The following MAGI2 variants were observed in gnomAD, a reference collection of about 807,000 sequenced individuals.
The protein encoded by MAGI2 is membrane-associated guanylate kinase, WW and PDZ domain-containing protein 2.
In MAGI2, 35 loss-of-function variants were observed where a neutral mutation model predicts 133.3. The ratio of observed to expected loss-of-function variants is 0.26; its 90% CI spans 0.20 to 0.35. The LOEUF (loss-of-function observed/expected upper bound fraction) is 0.35. MAGI2 is among the 10% of genes least tolerant of loss of function. MAGI2 has a pLI of 1.00. For missense variants in MAGI2, 1,636 were observed against 1,863.4 expected (o/e 0.88, Z 2.25); for synonymous variants, 729 against 710.6 (o/e 1.03, Z -0.41).
chr7:78,652,367 CT>C (rs1304311346), intron 2 of MAGI2, among the ~76,000 whole-genome samples: 1 of 152,150 alleles, frequency 6.6e-6, no homozygotes, highest in Non-Finnish European at 1.5e-5. Flanking sequence ...CGCTACCTGA[CT>C]TCAAACTACA....
intron 2 of MAGI2, among the ~76,000 whole-genome samples, chr7:78,847,993 C>T (rs1792774018): frequency 6.6e-6 from 1 of 151,844 alleles, no homozygotes; most frequent in African/African-American, 2.4e-5. Context: ...ACTCCAGAAT[C>T]TCAAATTATC....
At chr7:78,268,943 A>G (rs1321786620) in intron 9 of MAGI2, among the ~76,000 whole-genome samples, 2 of 151,848 alleles carry the variant, frequency 1.3e-5, no homozygotes, top group South Asian at 4.2e-4. Context: ...CCAGCCCCCC[A>G]CCCACTGACA....
intron 9 of MAGI2, among the ~76,000 whole-genome samples, chr7:78,308,347 C>T (rs1584812720): frequency 6.6e-6 from 1 of 152,154 alleles, no homozygotes; most frequent in African/African-American, 2.4e-5. Flanking sequence ...GACCAATGTA[C>T]AACAAGACTG....
At chr7:79,033,224 T>C (rs994390722) in intron 1 of MAGI2, among the ~76,000 whole-genome samples, 1 of 152,204 alleles carries the variant, frequency 6.6e-6, no homozygotes, top group Non-Finnish European at 1.5e-5. Flanking sequence ...CAGAAGGTGA[T>C]GGACCATAGG....
At chr7:78,496,215 C>T (rs1794072477) in intron 5 of MAGI2, among the ~76,000 whole-genome samples, 1 of 152,048 alleles carries the variant, frequency 6.6e-6, no homozygotes, top group Non-Finnish European at 1.5e-5. Flanking sequence ...CAAATTCAGC[C>T]CTGACAAATA....
chr7:79,374,292 C>A (rs961509764), intron 1 of MAGI2, among the ~76,000 whole-genome samples: 1 of 150,968 alleles, frequency 6.6e-6, no homozygotes, highest in African/African-American at 2.4e-5. Flanking sequence ...TGACTGGTAG[C>A]CTTATCAAAG....
intron 2 of MAGI2, among the ~76,000 whole-genome samples, chr7:78,906,793 C>A (rs539334825): frequency 7.5e-6 from 1 of 132,568 alleles, no homozygotes; most frequent in Non-Finnish European, 1.5e-5. Context: ...GAGCTTCATA[C>A]ACACACACAT....
At chr7:78,760,261 A>G (rs1396580669) in intron 2 of MAGI2, among the ~76,000 whole-genome samples, 1 of 152,052 alleles carries the variant, frequency 6.6e-6, no homozygotes, top group Non-Finnish European at 1.5e-5. Flanking sequence ...GAGTGTAACA[A>G]TGGTGTAACA....
rs558932052 is a variant in MAGI2 at position 78,020,008 on chromosome 7, G to T, written c.3707-32C>A. On this transcript the variant is annotated intron_variant, in intron 21 of 21. Coordinates refer to ENST00000354212, the MANE Select transcript of MAGI2 (RefSeq NM_012301.4). ...ACGGGAAGCACAGGCGTTAGCAGTGGCGCACGCAGGACGTCCCCGTGCCCT... is the reference window on the plus strand; with the variant it reads ...ACGGGAAGCACAGGCGTTAGCAGTGTCGCACGCAGGACGTCCCCGTGCCCT... The T allele has an allele frequency of 4.5e-6, 7 of 1,561,802 alleles. No individual in the cohort carries two copies. In the African/African-American group the frequency reaches 9.6e-5, roughly 21 times the overall value.
At chr7:78,362,258 C>A in intron 7 of MAGI2, among the ~76,000 whole-genome samples, 1 of 152,094 alleles carries the variant, frequency 6.6e-6, no homozygotes, top group Admixed American at 6.5e-5. Flanking sequence ...GCCGAGATTG[C>A]ACCACTGTAC....
At chr7:78,238,442 C>T (rs568764793) in intron 10 of MAGI2, among the ~76,000 whole-genome samples, 13 of 151,868 alleles carry the variant, frequency 8.6e-5, no homozygotes, top group South Asian at 2.1e-4. Context: ...GGTACATGCC[C>T]GTAGTACCAG....
At chr7:79,192,023 C>A (rs915664624) in intron 1 of MAGI2, among the ~76,000 whole-genome samples, 4 of 151,640 alleles carry the variant, frequency 2.6e-5, no homozygotes, top group South Asian at 4.1e-4. Context: ...TTATTGATAT[C>A]TTTTTGCATG....
At chr7:78,838,859 C>T (rs1356006353) in intron 2 of MAGI2, among the ~76,000 whole-genome samples, 3 of 151,926 alleles carry the variant, frequency 2.0e-5, no homozygotes, top group African/African-American at 7.2e-5. Context: ...AATAACTAAG[C>T]AAGAGTGATT....
At chr7:78,821,501 A>T (rs958436361) in intron 2 of MAGI2, among the ~76,000 whole-genome samples, 1 of 152,038 alleles carries the variant, frequency 6.6e-6, no homozygotes, top group African/African-American at 2.4e-5. Context: ...TAAATGCATA[A>T]CAAAACTACA....
At chr7:79,172,833 T>C (rs1825744142) in intron 1 of MAGI2, 2 of 152,042 alleles carry the variant, frequency 1.3e-5, no homozygotes, top group African/African-American at 2.4e-5. Context: ...AGAAATATAA[T>C]ATGCACAACC....
chr7:79,341,653 T>C (rs1563133494), intron 1 of MAGI2, among the ~76,000 whole-genome samples: 1 of 152,180 alleles, frequency 6.6e-6, no homozygotes, highest in African/African-American at 2.4e-5. Context: ...CGCAGTTATC[T>C]GCAGTGGCCA....
intron 2 of MAGI2, among the ~76,000 whole-genome samples, chr7:78,926,439 C>A (rs1799697851): frequency 6.6e-6 from 1 of 152,120 alleles, no homozygotes; most frequent in East Asian, 1.9e-4. Flanking sequence ...AGAACCATCT[C>A]TAAGCACAAT....
chr7:78,564,976 G>C (rs1800798585), intron 3 of MAGI2, among the ~76,000 whole-genome samples: 1 of 151,246 alleles, frequency 6.6e-6, no homozygotes, highest in Non-Finnish European at 1.5e-5. Context: ...TGTGTTTTTA[G>C]TAGAGACGGG....
intron 1 of MAGI2, among the ~76,000 whole-genome samples, chr7:79,368,709 G>T (rs372792283): frequency 1.3e-5 from 2 of 150,446 alleles, no homozygotes; most frequent in African/African-American, 4.9e-5. Context: ...TTAGCCGGGC[G>T]TAGTGGCGGG....
Sources: gnomAD v4.1 joint callset for allele counts (sites outside exome capture counted in the v4.1 genomes callset) on GRCh38, gnomAD v4.1.1 for gene constraint, MANE v1.5 for transcripts, NCBI Gene and HGNC (gene_info 2026-07-23, HGNC 2026-07-21) for gene names.